The following ARHGAP15 variants were observed in gnomAD, a reference collection of about 807,000 sequenced individuals.
ARHGAP15 encodes rho GTPase-activating protein 15.
Under a neutral mutation model 63.7 loss-of-function variants are expected in ARHGAP15, and 51 were observed. The ratio of observed to expected loss-of-function variants is 0.80; its 90% CI spans 0.64 to 1.01. The LOEUF is 1.01. Ranked by LOEUF, ARHGAP15 falls within the 50% of genes least tolerant of loss-of-function variation. ARHGAP15 has a pLI of 0.00. For synonymous variants in ARHGAP15, 191 were observed against 193.8 expected (o/e 0.99, Z 0.12); for missense variants, 560 against 564.6 (o/e 0.99, Z 0.08).
At chr2:143,347,356 C>A (rs1685344415) in intron 6 of ARHGAP15, among the ~76,000 whole-genome samples, 1 of 152,148 alleles carries the variant, frequency 6.6e-6, no homozygotes, top group South Asian at 2.1e-4. Context: ...CAGCTTCTTG[C>A]TAAAAACTAC....
intron 8 of ARHGAP15, among the ~76,000 whole-genome samples, chr2:143,484,679 C>T (rs1692239442): frequency 6.6e-6 from 1 of 152,142 alleles, no homozygotes; most frequent in East Asian, 1.9e-4. Context: ...CACTGTCCAA[C>T]ATGAAACATA....
intron 6 of ARHGAP15, among the ~76,000 whole-genome samples, chr2:143,321,040 G>A (rs1683995803): frequency 6.6e-6 from 1 of 152,126 alleles, no homozygotes; most frequent in African/African-American, 2.4e-5. Flanking sequence ...CACGGCCCTT[G>A]GATAGTCATG....
chr2:143,347,735 T>C (rs2105305589), intron 6 of ARHGAP15, among the ~76,000 whole-genome samples: 1 of 152,202 alleles, frequency 6.6e-6, no homozygotes, highest in East Asian at 1.9e-4. Context: ...CTCTTTACTC[T>C]TTGTGCTGCA....
At position 143,673,756 on chromosome 2, in the gene ARHGAP15, GTGTATATATATA is replaced by G. The variant is rs1246571052; in HGVS notation, c.1139-29661_1139-29650del. 6.2e-3 allele frequency among the ~76,000 whole-genome samples: 193 copies of G among 31,000 alleles called. 14 individuals are homozygous for G. Among genetic ancestry groups the G allele is most frequent in the East Asian group, 0.058 (31 of 532 alleles). The allele number at this position is 31,000 out of a possible 152,430, so 20.3% of individuals were successfully genotyped here. ...TGTGTGTGTGTGTGTGTGTGTGTGTGTGTATATATATATATATATATATATATAAACAACTCC... is the reference window on the plus strand; with the variant it reads ...TGTGTGTGTGTGTGTGTGTGTGTGTGTATATATATATATATAAACAACTCC... On this transcript the variant is annotated intron_variant, in intron 12 of 13. Transcript: ENST00000295095.
intron 4 of ARHGAP15, among the ~76,000 whole-genome samples, chr2:143,227,399 TGG>T (rs1693251772): frequency 6.6e-6 from 1 of 152,190 alleles, no homozygotes; most frequent in South Asian, 2.1e-4. Context: ...CTAAGCATTG[TGG>T]ATACCTTTGT....
chr2:143,606,666 G>T (rs1368263722), intron 11 of ARHGAP15: 2 of 152,144 alleles, frequency 1.3e-5, no homozygotes, highest in Non-Finnish European at 2.9e-5. Flanking sequence ...CAACCATAAA[G>T]CCTGTGTTGT....
intron 11 of ARHGAP15, among the ~76,000 whole-genome samples, chr2:143,588,574 C>G (rs1483395549): frequency 6.6e-6 from 1 of 152,144 alleles, no homozygotes; most frequent in African/African-American, 2.4e-5. Context: ...CGAGTAAGAA[C>G]ATGCAGTGTT....
intron 6 of ARHGAP15, among the ~76,000 whole-genome samples, chr2:143,427,338 T>G (rs1463216004): frequency 6.6e-6 from 1 of 152,124 alleles, no homozygotes; most frequent in Non-Finnish European, 1.5e-5. Flanking sequence ...AACTACTACC[T>G]CCTCCCACAG....
At chr2:143,342,672 A>G (rs1685109990) in intron 6 of ARHGAP15, among the ~76,000 whole-genome samples, 1 of 152,056 alleles carries the variant, frequency 6.6e-6, no homozygotes, top group Non-Finnish European at 1.5e-5. Flanking sequence ...GTGTAGAATT[A>G]TTTCTTTGTT....
At chr2:143,481,484 T>C (rs1044740217) in intron 8 of ARHGAP15, among the ~76,000 whole-genome samples, 1 of 152,142 alleles carries the variant, frequency 6.6e-6, no homozygotes, top group African/African-American at 2.4e-5. Context: ...AAAGAAGGTA[T>C]TTCAAAATAA....
At chr2:143,583,776 G>A (rs1490161714) in intron 11 of ARHGAP15, among the ~76,000 whole-genome samples, 1 of 152,174 alleles carries the variant, frequency 6.6e-6, no homozygotes, top group Non-Finnish European at 1.5e-5. Flanking sequence ...GTAAATGGGA[G>A]TTCTCCGAGG....
chr2:143,437,009 A>G lies in ARHGAP15; in HGVS notation c.670A>G (p.Lys224Glu), dbSNP rs1259714416. The change falls in exon 8 of 14, where the codon AAA becomes GAA. Residue 224 changes from lysine to glutamate, a missense_variant. Lys to Glu is a moderately conservative substitution (Grantham distance 56). Transcript: ENST00000295095. ...GCTAAGTCACTACGACAGTGATATAAAAGAACAGAAACCAGAGCACAGAAA... is the reference window on the plus strand; with the variant it reads ...GCTAAGTCACTACGACAGTGATATAGAAGAACAGAAACCAGAGCACAGAAA... ...ELLSHYDSDI[K>E]EQKPEHRKSL... 2.5e-6 allele frequency: 4 copies of G among 1,604,356 alleles called. No individual in the cohort carries two copies. Among genetic ancestry groups the G allele is most frequent in the Non-Finnish European group, 3.4e-6 (4 of 1,177,502 alleles).
At chr2:143,545,049 A>G (rs2105059479) in intron 10 of ARHGAP15, among the ~76,000 whole-genome samples, 1 of 152,342 alleles carries the variant, frequency 6.6e-6, no homozygotes, top group Non-Finnish European at 1.5e-5. Flanking sequence ...GAAAGGCAGC[A>G]ATAAGCTGAA....
At chr2:143,658,264 C>T (rs553749793) in intron 12 of ARHGAP15, among the ~76,000 whole-genome samples, 24 of 152,286 alleles carry the variant, frequency 1.6e-4, no homozygotes, top group African/African-American at 5.5e-4. Context: ...TTATCTTCAT[C>T]GTACCAATGT....
chr2:143,477,408 T>C (rs1161335968), intron 8 of ARHGAP15, among the ~76,000 whole-genome samples: 2 of 151,036 alleles, frequency 1.3e-5, no homozygotes, highest in African/African-American at 4.8e-5. Flanking sequence ...ATATTTTAAT[T>C]ATTAATCATA....
At chr2:143,369,825 C>T (rs1686464531) in intron 6 of ARHGAP15, among the ~76,000 whole-genome samples, 1 of 152,054 alleles carries the variant, frequency 6.6e-6, no homozygotes, top group African/African-American at 2.4e-5. Context: ...TCTTTTCCTC[C>T]TACTTTTTCT....
At chr2:143,150,724 G>A (rs1482855055) in intron 1 of ARHGAP15, among the ~76,000 whole-genome samples, 1 of 151,940 alleles carries the variant, frequency 6.6e-6, no homozygotes, top group Non-Finnish European at 1.5e-5. Context: ...TCATTCACCA[G>A]TGCTCTGTAT....
chr2:143,543,357 CTTT>C (rs991133538), intron 10 of ARHGAP15, among the ~76,000 whole-genome samples: 6 of 151,968 alleles, frequency 3.9e-5, no homozygotes, highest in African/African-American at 1.4e-4. Context: ...TGAGAAGTAT[CTTT>C]TTAGTTTTTT....
intron 11 of ARHGAP15, among the ~76,000 whole-genome samples, chr2:143,569,280 T>A (rs1559055888): frequency 6.6e-6 from 1 of 152,108 alleles, no homozygotes; most frequent in Non-Finnish European, 1.5e-5. Flanking sequence ...TTCTGGAAAA[T>A]CAGGCTCTGG....
Sources: gnomAD v4.1 joint callset for allele counts (sites outside exome capture counted in the v4.1 genomes callset) on GRCh38, gnomAD v4.1.1 for gene constraint, MANE v1.5 for transcripts, NCBI Gene and HGNC (gene_info 2026-07-23, HGNC 2026-07-21) for gene names.